Variants in DMD observed in about 807,000 individuals in gnomAD.
The protein encoded by DMD is dystrophin, also known as mutant dystrophin.
In DMD, 63 loss-of-function variants were observed where a neutral mutation model predicts 330.1. The observed-to-expected ratio is 0.19, with a 90% CI of 0.16 to 0.24. The LOEUF (loss-of-function observed/expected upper bound fraction) is 0.24. DMD is among the 10% of genes least tolerant of loss of function. DMD has a pLI of 1.00. For synonymous variants in DMD, 1,223 were observed against 959.8 expected (o/e 1.27, Z -5.07); for missense variants, 3,344 against 2,684.1 (o/e 1.25, Z -5.43).
intron 7 of DMD, among the ~76,000 whole-genome samples, chrX:32,743,654 C>G (rs921139903): frequency 9.0e-6 from 1 of 110,579 alleles, no homozygotes; most frequent in African/African-American, 3.3e-5. Context: ...GTTTTTAACT[C>G]TGTGGAATGT....
At chrX:31,716,573 A>C (rs2085065925) in intron 52 of DMD, among the ~76,000 whole-genome samples, 1 of 110,602 alleles carries the variant, frequency 9.0e-6, no homozygotes, top group Non-Finnish European at 1.9e-5. Flanking sequence ...ACAAAACAAA[A>C]CAAAACAAAC....
At chrX:31,890,364 A>T (rs1374650712) in intron 47 of DMD, among the ~76,000 whole-genome samples, 2 of 109,994 alleles carry the variant, frequency 1.8e-5, no homozygotes, top group East Asian at 5.6e-4. Flanking sequence ...ACAAAACAAA[A>T]AAAAAAAGAA....
intron 9 of DMD, among the ~76,000 whole-genome samples, chrX:32,679,901 A>ATTTTTTTTTTTTTTT (rs1569447513): frequency 3.2e-5 from 1 of 30,950 alleles, no homozygotes; most frequent in African/African-American, 1.3e-4. Context: ...TAATATTTGT[A>ATTTTTTTTTTTTTTT]CTTTTTTTTT....
intron 44 of DMD, among the ~76,000 whole-genome samples, chrX:32,077,500 C>G (rs778075603): frequency 9.0e-6 from 1 of 111,456 alleles, no homozygotes; most frequent in East Asian, 2.8e-4. Flanking sequence ...TCAGATCATT[C>G]TAATGGGGAA....
chrX:31,483,132 C>T (rs1420514064), intron 57 of DMD, among the ~76,000 whole-genome samples: 7 of 104,390 alleles, frequency 6.7e-5, no homozygotes, highest in Non-Finnish European at 1.2e-4. Flanking sequence ...CTGCAAGCTC[C>T]ACCTCCCAGG....
At chrX:32,693,234 G>A (rs780981986) in intron 9 of DMD, among the ~76,000 whole-genome samples, 2 of 111,931 alleles carry the variant, frequency 1.8e-5, no homozygotes, top group East Asian at 5.6e-4. Context: ...AAGGAAGGCA[G>A]CCCTGCTGAT....
chrX:31,922,541 A>AG (rs964743930), intron 47 of DMD, among the ~76,000 whole-genome samples: 9 of 94,691 alleles, frequency 9.5e-5, no homozygotes, highest in Middle Eastern at 0.01. Context: ...CGCGTGCGCT[A>AG]GGGGGGTGCA....
At chrX:32,137,947 T>G (rs1004341045) in intron 44 of DMD, among the ~76,000 whole-genome samples, 1 of 109,388 alleles carries the variant, frequency 9.1e-6, no homozygotes, top group African/African-American at 3.3e-5. Flanking sequence ...TATGTTTCCC[T>G]GGGTGATATC....
At chrX:31,929,009 C>T (rs1048286642) in intron 47 of DMD, among the ~76,000 whole-genome samples, 8 of 111,390 alleles carry the variant, frequency 7.2e-5, no homozygotes, top group Non-Finnish European at 1.3e-4. Flanking sequence ...ATTGATGTTG[C>T]TTTTTACTAT....
At chrX:32,448,818 TAAAG>T (rs768630196) in intron 26 of DMD, among the ~76,000 whole-genome samples, 180 bp from the exon 27 acceptor site, 1 of 111,001 alleles carries the variant, frequency 9.0e-6, no homozygotes, top group South Asian at 3.6e-4. Context: ...ATTGGAAAGT[TAAAG>T]AAATAATTTA....
At chrX:31,776,158 G>A (rs770767299) in intron 50 of DMD, among the ~76,000 whole-genome samples, 37 of 111,492 alleles carry the variant, frequency 3.3e-4, no homozygotes, top group South Asian at 1.9e-3. Context: ...CAGAGAGGAT[G>A]CATGTGTGAG....
At chrX:31,490,235 GA>G (rs1263933955) in intron 57 of DMD, among the ~76,000 whole-genome samples, 1 of 112,269 alleles carries the variant, frequency 8.9e-6, no homozygotes, top group African/African-American at 3.2e-5. Flanking sequence ...AAGTGGTTTA[GA>G]AACTCTAAGA....
At chrX:32,413,278 G>A (rs767452605) in intron 29 of DMD, among the ~76,000 whole-genome samples, 13 of 110,625 alleles carry the variant, frequency 1.2e-4, no homozygotes, top group Non-Finnish European at 2.3e-4. Flanking sequence ...TCCCACACAT[G>A]AACTCCTTGC....
chrX:32,773,605 ACT>A (rs200568492), intron 7 of DMD, among the ~76,000 whole-genome samples: 1,488 of 104,188 alleles, frequency 0.014, 21 homozygotes, highest in African/African-American at 0.049. Context: ...CCATCATCCC[ACT>A]CTCTATCTCC....
At chrX:31,474,206 A>G (rs1184989334) in intron 59 of DMD, among the ~76,000 whole-genome samples, 2 of 111,811 alleles carry the variant, frequency 1.8e-5, no homozygotes, top group African/African-American at 6.5e-5. Flanking sequence ...CATAAAGGCC[A>G]GGGACTTAGT....
In DMD at chrX:33,074,575, T is replaced by A. The variant is rs909995181; in HGVS notation, c.32-54375A>T. Among the ~76,000 whole-genome samples, 11 of 111,244 alleles carry A rather than the reference T, an allele frequency of 9.9e-5. No individual in the cohort carries two copies. In the Admixed American group the frequency reaches 1.1e-3, roughly 11 times the overall value. ...TTAAGAGGCACTTGGATCATGAAAGTTCTGCCCTAATGGATTAATGAGTTA... is the reference window on the plus strand; with the variant it reads ...TTAAGAGGCACTTGGATCATGAAAGATCTGCCCTAATGGATTAATGAGTTA... On this transcript the variant is annotated intron_variant, in intron 1 of 78. Transcript: ENST00000357033.
At chrX:32,419,568 T>C (rs1259229581) in intron 29 of DMD, among the ~76,000 whole-genome samples, 1 of 112,214 alleles carries the variant, frequency 8.9e-6, no homozygotes, top group Non-Finnish European at 1.9e-5. Flanking sequence ...AAATATAAAA[T>C]AAAGAAGGTT....
intron 1 of DMD, among the ~76,000 whole-genome samples, chrX:33,066,148 G>C (rs1308008313): frequency 1.8e-5 from 2 of 109,741 alleles, no homozygotes; most frequent in African/African-American, 3.3e-5. Context: ...GTGGAATAAT[G>C]TCTAGGAAAC....
chrX:32,733,321 T>G (rs1451805689), intron 7 of DMD, among the ~76,000 whole-genome samples: 1 of 109,514 alleles, frequency 9.1e-6, no homozygotes, highest in Admixed American at 9.7e-5. Context: ...ATGGGAGACT[T>G]TAACACCCCA....
Sources: allele counts gnomAD v4.1 joint callset (sites outside exome capture counted in the v4.1 genomes callset), GRCh38; gene constraint gnomAD v4.1.1; transcripts MANE v1.5; gene names NCBI Gene and HGNC (gene_info 2026-07-23, HGNC 2026-07-21).